The following CPEB2 variants were observed in gnomAD, a reference collection of about 807,000 sequenced individuals.
CPEB2 encodes the protein cytoplasmic polyadenylation element binding protein 2.
A neutral mutation model predicts 93.6 loss-of-function variants in CPEB2; 56 were observed. The ratio of observed to expected loss-of-function variants is 0.60; its 90% CI spans 0.48 to 0.75. The LOEUF is 0.75. Among genes scored for constraint, CPEB2 ranks in the 30% least tolerant of loss-of-function variants. CPEB2 has a pLI of 0.00. For missense variants in CPEB2, 1,579 were observed against 1,395.1 expected, an observed-to-expected ratio of 1.13 and a Z score of -2.10; for synonymous variants, 764 against 586.3, an observed-to-expected ratio of 1.30 and a Z score of -4.38.
intron 6 of CPEB2, among the ~76,000 whole-genome samples, chr4:15,045,137 A>T (rs1369201215): frequency 2.0e-5 from 3 of 151,780 alleles, no homozygotes; most frequent in Non-Finnish European, 4.4e-5. Flanking sequence ...TTTTCCCTCT[A>T]CTTCTTTTTC....
chr4:15,003,537 G>T lies in CPEB2; in HGVS notation c.864G>T (p.Ala288=). The T allele has an allele frequency of 6.9e-7, 1 of 1,448,574 alleles. No individual in the cohort carries two copies. Among genetic ancestry groups the T allele is most frequent in the Non-Finnish European group, 9.1e-7 (1 of 1,102,736 alleles). 89.7% of individuals were successfully genotyped at this position (1,448,574 alleles called of 1,614,324 possible). A position where few individuals can be genotyped will look rare whatever the true frequency, so the allele number is the denominator to read the frequency against. ...GAGSPRKTPA[A]GEGSAAESPN... ...GCAGCCCTCGCAAGACCCCAGCCGC[G>T]GGCGAGGGCAGCGCCGCCGAGTCCC... The change falls in exon 1 of 12, where the codon GCG becomes GCT. Residue 288 remains alanine, a synonymous_variant. Coordinates refer to ENST00000538197, the MANE Select transcript of CPEB2 (RefSeq NM_001177382.2).
At chr4:15,013,575 A>G (rs911424967) in intron 3 of CPEB2, among the ~76,000 whole-genome samples, 22 of 152,200 alleles carry the variant, frequency 1.4e-4, no homozygotes, top group African/African-American at 3.8e-4. Context: ...AGAAGAATGC[A>G]TGAGTGTTTG....
Position 15,069,015 on chromosome 4 carries a change from A to G in CPEB2, c.*2635A>G, listed in dbSNP as rs1459819544. Reference sequence around the variant, plus strand: ...ATTTACAGATCATATTTATTTTACTATTTTTGTAGAAAATTATTAATTTTG... The same window carrying G: ...ATTTACAGATCATATTTATTTTACTGTTTTTGTAGAAAATTATTAATTTTG... On this transcript the variant is annotated 3_prime_UTR_variant, in exon 12 of 12. Transcript: ENST00000538197. 1.3e-5 allele frequency: 2 copies of G among 150,230 alleles called. No individual in the cohort carries two copies. Among genetic ancestry groups the G allele is most frequent in the African/African-American group, 4.9e-5 (2 of 40,870 alleles). The allele number at this position is 150,230 out of a possible 1,614,324, so 9.3% of individuals were successfully genotyped here. A position where few individuals can be genotyped will look rare whatever the true frequency, so the allele number is the denominator to read the frequency against.
chr4:15,035,227 G>C (rs1188498596), intron 5 of CPEB2, among the ~76,000 whole-genome samples: 2 of 151,174 alleles, frequency 1.3e-5, no homozygotes, highest in African/African-American at 4.9e-5. Flanking sequence ...TTTTGTAGTG[G>C]TGTAATAGTA....
chr4:15,015,041 A>G (rs1723957488), intron 3 of CPEB2, among the ~76,000 whole-genome samples: 1 of 152,088 alleles, frequency 6.6e-6, no homozygotes, highest in South Asian at 2.1e-4. Flanking sequence ...TCTAGGAGTT[A>G]GAACCAGAGC....
intron 7 of CPEB2, 99 bp downstream of exon 7, chr4:15,052,683 C>G: frequency 1.5e-6 from 1 of 658,192 alleles, no homozygotes; most frequent in Non-Finnish European, 2.3e-6. Context: ...TTTTTACCAC[C>G]TAGAGATTTT....
chr4:15,068,599 T>C lies in CPEB2; in HGVS notation c.*2219T>C, dbSNP rs1729873863. ...CAGTAGTTTTGCAATGTTAATTATT[T>C]AGATATTTAATTTCGCAGATTTTTA... On this transcript the variant is annotated 3_prime_UTR_variant, in exon 12 of 12. Transcript: ENST00000538197. 6.6e-6 allele frequency: 1 copy of C among 152,350 alleles called. No individual in the cohort carries two copies. Among genetic ancestry groups the C allele is most frequent in the Non-Finnish European group, 1.5e-5 (1 of 67,854 alleles). 9.4% of individuals were successfully genotyped at this position (152,350 alleles called of 1,614,324 possible). A position where few individuals can be genotyped will look rare whatever the true frequency, so the allele number is the denominator to read the frequency against.
In CPEB2 at chr4:15,018,927, A is replaced by AGG. The variant is rs1285191250; in HGVS notation, c.2125+1652_2125+1653dup. On this transcript the variant is annotated intron_variant, in intron 4 of 11. Coordinates refer to ENST00000538197, the MANE Select transcript of CPEB2 (RefSeq NM_001177382.2). The stretch of plus-strand genomic sequence containing the variant: ...AGGAAATGGAAGCATTATAAGGCTA[A>AGG]GGGGAATTTTATATATATATATATA... Among the ~76,000 whole-genome samples, 78 of 120,362 alleles carry AGG rather than the reference A, an allele frequency of 6.5e-4. 1 individual carries two copies. The highest frequency in any genetic ancestry group is 2.1e-3 in the African/African-American group (67 of 31,402). 79.0% of individuals were successfully genotyped at this position (120,362 alleles called of 152,430 possible).
intron 4 of CPEB2, among the ~76,000 whole-genome samples, chr4:15,027,392 G>A (rs1302489155): frequency 6.8e-6 from 1 of 147,486 alleles, no homozygotes; most frequent in Non-Finnish European, 1.5e-5. Flanking sequence ...TTCGGATCTG[G>A]TACTTTGGAT....
intron 4 of CPEB2, among the ~76,000 whole-genome samples, chr4:15,026,454 C>T (rs1464853581): frequency 6.6e-6 from 1 of 152,142 alleles, no homozygotes; most frequent in Non-Finnish European, 1.5e-5. Flanking sequence ...TCTTGATCTC[C>T]TGACCTCATG....
Position 15,065,011 on chromosome 4 carries a change from G to A in CPEB2, c.2878-1142G>A, listed in dbSNP as rs149420614. Among the ~76,000 whole-genome samples, 60 of 152,146 alleles carry A rather than the reference G, an allele frequency of 3.9e-4. No individual in the cohort carries two copies. The East Asian group carries it at 0.011, about 28-fold the overall frequency. ...CAAACAAGCAATTCAGAAAAGCCAA[G>A]TGTCGAATATACATAAAATATATTT... On this transcript the variant is annotated intron_variant, in intron 11 of 11. Transcript: ENST00000538197.
At position 15,003,486 on chromosome 4, in the gene CPEB2, C is replaced by A. The variant is rs1722283583; in HGVS notation, c.813C>A (p.Ala271=). 7.1e-7 allele frequency: 1 copy of A among 1,399,940 alleles called. No individual in the cohort carries two copies. Among genetic ancestry groups the A allele is most frequent in the African/African-American group, 1.5e-5 (1 of 66,132 alleles). 86.7% of individuals were successfully genotyped at this position (1,399,940 alleles called of 1,614,324 possible). ...AGCTCCCTCCCTCGCCGCCTGCAGCCCCGCGGCGCCGCCACGGAGGCGCGG... is the reference window on the plus strand; with the variant it reads ...AGCTCCCTCCCTCGCCGCCTGCAGCACCGCGGCGCCGCCACGGAGGCGCGG... ...LPQLPPSPPA[A]PRRRHGGAGS... Residue 271 remains alanine (A), a synonymous_variant, in exon 1 of 12, where the codon GCC becomes GCA. Coordinates refer to ENST00000538197, the MANE Select transcript of CPEB2 (RefSeq NM_001177382.2).
At chr4:15,007,086 A>G (rs970815934) in intron 1 of CPEB2, among the ~76,000 whole-genome samples, 7 of 152,234 alleles carry the variant, frequency 4.6e-5, no homozygotes, top group Non-Finnish European at 4.4e-5. Context: ...ATAAAATATC[A>G]TGATATTTAT....
At position 15,052,434 on chromosome 4, in the gene CPEB2, A is replaced by G. The variant is rs1380899918; in HGVS notation, c.2221A>G (p.Ile741Val). The G allele has an allele frequency of 5.2e-6, 8 of 1,533,542 alleles. No homozygotes were observed. Among genetic ancestry groups the G allele is most frequent in the African/African-American group, 4.2e-5 (3 of 72,280 alleles). 95.0% of individuals were successfully genotyped at this position (1,533,542 alleles called of 1,614,324 possible). Residue 741 changes from isoleucine (I) to valine (V), a missense_variant, in exon 7 of 12, where the codon ATA becomes GTA. This residue lies in a region of CPEB2 where 1,411 missense variants were observed against 1,056.0 expected (regional missense o/e 1.34). Transcript: ENST00000538197. ...TCTAGGTCGTTCTTCCCTCTTTCCA[A>G]TAGATGATGGCTTGCTTGATGATGG... ...RRRGRSSLFP[I>V]DDGLLDDGHS...
At chr4:15,015,949 G>A (rs1724086760) in intron 3 of CPEB2, among the ~76,000 whole-genome samples, 1 of 151,928 alleles carries the variant, frequency 6.6e-6, no homozygotes, top group African/African-American at 2.4e-5. Flanking sequence ...ATATCTTATT[G>A]TATTGTCCTA....
intron 5 of CPEB2, 26 bp from the exon 6 acceptor site, chr4:15,040,438 A>T: frequency 6.5e-7 from 1 of 1,534,816 alleles, no homozygotes; most frequent in Non-Finnish European, 8.7e-7. Flanking sequence ...CTGACATTTT[A>T]CAATTTGTGC....
chr4:15,004,145 C>T lies in CPEB2; in HGVS notation c.1472C>T (p.Pro491Leu), dbSNP rs1179240545. Reference sequence around the variant, plus strand: ...GGCGGCGGCGGCGGCTTCGGCGGCCCCTTCTCGGCTACCGCTGTGCCCCCT... The same window carrying T: ...GGCGGCGGCGGCGGCTTCGGCGGCCTCTTCTCGGCTACCGCTGTGCCCCCT... ...SGGGGGGFGG[P>L]FSATAVPPPP... is the part of the protein sequence containing the mutation. Residue 491 changes from proline (P) to leucine (L), a missense_variant, in exon 1 of 12, where the codon CCC becomes CTC. By Grantham distance (98) the Pro-to-Leu change is moderately conservative (BLOSUM62 -3). Around this residue, in one of 2 missense-constraint regions of CPEB2, gnomAD observed 1,411 missense variants for 1,056.0 expected, o/e 1.34. Coordinates refer to ENST00000538197, the MANE Select transcript of CPEB2 (RefSeq NM_001177382.2). 7.2e-7 allele frequency: 1 copy of T among 1,380,618 alleles called. No individual in the cohort carries two copies. Among genetic ancestry groups the T allele is most frequent in the Admixed American group, 2.3e-5 (1 of 43,218 alleles). 85.5% of individuals were successfully genotyped at this position (1,380,618 alleles called of 1,614,324 possible).
intron 6 of CPEB2, among the ~76,000 whole-genome samples, chr4:15,049,254 C>T (rs1241860654): frequency 2.1e-5 from 3 of 146,042 alleles, no homozygotes; most frequent in Non-Finnish European, 4.6e-5. Flanking sequence ...TCACCGCATT[C>T]TTTTTTTTTT....
intron 5 of CPEB2, among the ~76,000 whole-genome samples, chr4:15,035,658 T>C (rs1266745348): frequency 1.3e-5 from 2 of 152,186 alleles, no homozygotes; most frequent in East Asian, 3.8e-4. Flanking sequence ...CCATTTTGTG[T>C]TGTTGCAGAA....
Sources: gnomAD v4.1 joint callset for allele counts (sites outside exome capture counted in the v4.1 genomes callset) on GRCh38, gnomAD v4.1.1 for gene constraint, gnomAD v4.1.1 regional missense constraint, MANE v1.5 for transcripts, NCBI Gene and HGNC (gene_info 2026-07-23, HGNC 2026-07-21) for gene names.